Variants in PLD1 observed in about 807,000 individuals in gnomAD.
The protein encoded by PLD1 is choline phosphatase 1.
A neutral mutation model predicts 137.1 loss-of-function variants in PLD1; 112 were observed. The observed-to-expected ratio is 0.82, with a 90% CI of 0.70 to 0.96. PLD1 has a LOEUF of 0.96. Among genes scored for constraint, PLD1 ranks in the 40% least tolerant of loss-of-function variants. The pLI is 0.00. For synonymous variants in PLD1, 431 were observed against 454.7 expected, an observed-to-expected ratio of 0.95 and a Z score of 0.66; for missense variants, 1,321 against 1,342.0, an observed-to-expected ratio of 0.98 and a Z score of 0.24.
At chr3:171,639,629 CTATATAATATATATTAT>C (rs1560170333) in intron 23 of PLD1, among the ~76,000 whole-genome samples, 3 of 69,644 alleles carry the variant, frequency 4.3e-5, no homozygotes, top group African/African-American at 1.3e-4. Flanking sequence ...AATATATATT[CTATATAATATATATTAT>C]ATATAATATA....
At chr3:171,726,833 A>G (rs1236304187) in intron 6 of PLD1, among the ~76,000 whole-genome samples, 1 of 152,320 alleles carries the variant, frequency 6.6e-6, no homozygotes, top group Non-Finnish European at 1.5e-5. Context: ...CCTTTGAAGC[A>G]GGTGCTACTT....
intron 11 of PLD1, among the ~76,000 whole-genome samples, chr3:171,704,384 G>A (rs1560234048): frequency 7.1e-6 from 1 of 141,820 alleles, no homozygotes; most frequent in Admixed American, 7.5e-5. Context: ...ATTCAAACAA[G>A]ACTCAAGAGT....
chr3:171,728,692 A>T (rs1220900817), intron 6 of PLD1, among the ~76,000 whole-genome samples: 1 of 152,244 alleles, frequency 6.6e-6, no homozygotes, highest in East Asian at 1.9e-4. Context: ...TTTCTTATTT[A>T]CATAGCTGTT....
At chr3:171,636,841 G>C (rs1378293893) in intron 23 of PLD1, among the ~76,000 whole-genome samples, 1 of 152,130 alleles carries the variant, frequency 6.6e-6, no homozygotes, top group Non-Finnish European at 1.5e-5. Flanking sequence ...ACTGATCATA[G>C]AGGGGAAAGC....
intron 1 of PLD1, chr3:171,792,744 A>G (rs566766406): frequency 6.1e-5 from 28 of 456,472 alleles, no homozygotes; most frequent in South Asian, 4.0e-4. Flanking sequence ...ACCAGGTTCC[A>G]GCATCTTTCT....
At chr3:171,692,515 T>A in intron 12 of PLD1, 73 bp from the exon 13 acceptor site, 2 of 787,286 alleles carry the variant, frequency 2.5e-6, no homozygotes, top group Non-Finnish European at 4.5e-6. Flanking sequence ...CTTTTTCCTT[T>A]GCACTGTACT....
At chr3:171,694,339 C>T (rs904005785) in intron 12 of PLD1, among the ~76,000 whole-genome samples, 1 of 151,988 alleles carries the variant, frequency 6.6e-6, no homozygotes, top group Non-Finnish European at 1.5e-5. Context: ...AGTACTATTA[C>T]AATCAAGAAT....
chr3:171,754,205 T>G (rs1053830876), intron 1 of PLD1, among the ~76,000 whole-genome samples: 1 of 152,340 alleles, frequency 6.6e-6, no homozygotes, highest in Admixed American at 6.5e-5. Flanking sequence ...CACTGGTGTC[T>G]ATTGGGTTCT....
intron 21 of PLD1, among the ~76,000 whole-genome samples, chr3:171,647,276 GAGGTTAAGCTGAAC>G (rs1167584279): frequency 6.6e-6 from 1 of 152,168 alleles, no homozygotes; most frequent in African/African-American, 2.4e-5. Context: ...TGGTAGAGAA[GAGGTTAAGCTGAAC>G]AGGAATTTTT....
At chr3:171,707,760 C>T (rs772197657) in intron 11 of PLD1, among the ~76,000 whole-genome samples, 7 of 152,138 alleles carry the variant, frequency 4.6e-5, no homozygotes, top group African/African-American at 1.7e-4. Flanking sequence ...CGCTAAACAC[C>T]CTACAATGCA....
At chr3:171,802,895 T>C (rs2108360172) in intron 1 of PLD1, among the ~76,000 whole-genome samples, 1 of 152,228 alleles carries the variant, frequency 6.6e-6, no homozygotes, top group East Asian at 1.9e-4. Context: ...CTAAGCAAGG[T>C]ACACAGGTGC....
intron 24 of PLD1, among the ~76,000 whole-genome samples, chr3:171,615,331 G>A (rs896581423): frequency 3.3e-5 from 5 of 152,168 alleles, no homozygotes; most frequent in African/African-American, 7.2e-5. Context: ...TATATGACCT[G>A]TTCTGAGTGC....
chr3:171,727,322 C>T (rs758830413), intron 6 of PLD1, among the ~76,000 whole-genome samples: 11 of 152,068 alleles, frequency 7.2e-5, no homozygotes, highest in Non-Finnish European at 1.6e-4. Flanking sequence ...TCAGCGCCCT[C>T]AAAACCAAGC....
At chr3:171,759,818 A>G (rs545970967) in intron 1 of PLD1, among the ~76,000 whole-genome samples, 1 of 152,366 alleles carries the variant, frequency 6.6e-6, no homozygotes, top group Admixed American at 6.5e-5. Context: ...TTACTTAGCA[A>G]TTAGCTTGTC....
rs772209659 is a variant in PLD1, at chr3:171,724,776, T to C, written c.678A>G (p.Ile226Met). The C allele has an allele frequency of 6.2e-7, 1 of 1,602,962 alleles. No individual in the cohort carries two copies. The highest frequency in any genetic ancestry group is 1.1e-5 in the South Asian group (1 of 90,892). The change falls in exon 8 of 27, where the codon ATA becomes ATG. Residue 226 changes from isoleucine to methionine, a missense_variant. Ile to Met is a conservative substitution (Grantham distance 10, BLOSUM62 1). Coordinates refer to ENST00000351298, the MANE Select transcript of PLD1 (RefSeq NM_002662.5). The stretch of plus-strand genomic sequence containing the variant: ...TTCTGTGTCCTCCAGATCTTTTCAT[T>C]ATCATACCTTCTCTGAAAGAGACAG... ...DLGPKGIEGM[I>M]MKRSGGHRIP...
intron 1 of PLD1, among the ~76,000 whole-genome samples, chr3:171,802,498 T>C (rs1723687644): frequency 2.0e-5 from 3 of 152,106 alleles, no homozygotes; most frequent in African/African-American, 7.2e-5. Context: ...AGGAGAAGTG[T>C]GCTCCAGGCA....
At chr3:171,760,415 C>T (rs182460362) in intron 1 of PLD1, among the ~76,000 whole-genome samples, 13 of 152,280 alleles carry the variant, frequency 8.5e-5, no homozygotes, top group Non-Finnish European at 1.3e-4. Context: ...AGACATCCCT[C>T]CTTCAACCAC....
chr3:171,615,404 T>G (rs1733018641), intron 24 of PLD1, among the ~76,000 whole-genome samples: 1 of 152,218 alleles, frequency 6.6e-6, no homozygotes, highest in African/African-American at 2.4e-5. Context: ...TGAAAATATG[T>G]GTGTAAAACT....
At chr3:171,745,542 C>T (rs898258925) in intron 1 of PLD1, among the ~76,000 whole-genome samples, 1 of 152,264 alleles carries the variant, frequency 6.6e-6, no homozygotes, top group African/African-American at 2.4e-5. Flanking sequence ...GCATGCAGCA[C>T]AGCACGTGGG....
Sources: allele counts gnomAD v4.1 joint callset (sites outside exome capture counted in the v4.1 genomes callset), GRCh38; gene constraint gnomAD v4.1.1; transcripts MANE v1.5; gene names NCBI Gene and HGNC (gene_info 2026-07-23, HGNC 2026-07-21).